Variants in PCDH7 observed in about 807,000 individuals in gnomAD.
PCDH7 encodes protocadherin-7.
Under a neutral mutation model 58.9 loss-of-function variants are expected in PCDH7, and 17 were observed. The ratio of observed to expected loss-of-function variants is 0.29; its 90% CI spans 0.20 to 0.43. The LOEUF (loss-of-function observed/expected upper bound fraction) is 0.43. PCDH7 is among the 20% of genes least tolerant of loss of function. The probability of loss-of-function intolerance (pLI) is 1.00; values close to 1 mark genes in which losing one functional copy is unlikely to be tolerated. For synonymous variants in PCDH7, 664 were observed against 616.4 expected (o/e 1.08, Z -1.14); for missense variants, 1,274 against 1,441.0 (o/e 0.88, Z 1.88).
chr4:31,005,254 A>G (rs1362823095), intron 3 of PCDH7, among the ~76,000 whole-genome samples: 1 of 152,168 alleles, frequency 6.6e-6, no homozygotes, highest in Non-Finnish European at 1.5e-5. Context: ...GAAGGTTGGG[A>G]AGCTGGAAGC....
Position 31,057,712 on chromosome 4 carries a change from A to G in PCDH7, c.*8-84761A>G, listed in dbSNP as rs143369896. Among the ~76,000 whole-genome samples, 409 of 152,262 alleles carry G rather than the reference A, an allele frequency of 2.7e-3. 3 individuals carry two copies. The highest frequency in any genetic ancestry group is 8.9e-3 in the African/African-American group (368 of 41,572). On this transcript the variant is annotated intron_variant, in intron 3 of 3. Coordinates refer to the PCDH7 transcript ENST00000509759. ...CTTAGTTTAGAAAAATTTATTGCTC[A>G]TTACTATACATCTCCATCACTACAA...
intron 2 of PCDH7, among the ~76,000 whole-genome samples, chr4:30,944,537 A>G (rs1746445601): frequency 6.6e-6 from 1 of 152,158 alleles, no homozygotes; most frequent in African/African-American, 2.4e-5. Context: ...TGACTAAATT[A>G]ACCTCTGGCA....
chr4:31,111,019 A>G (rs1434833490), intron 3 of PCDH7, among the ~76,000 whole-genome samples: 1 of 152,124 alleles, frequency 6.6e-6, no homozygotes, highest in Non-Finnish European at 1.5e-5. Flanking sequence ...AAGTTATTAA[A>G]TTTAACAGAA....
At chr4:30,938,458 G>A (rs1346019948) in intron 2 of PCDH7, among the ~76,000 whole-genome samples, 1 of 148,636 alleles carries the variant, frequency 6.7e-6, no homozygotes, top group African/African-American at 2.5e-5. Context: ...GGATGAACTG[G>A]CACTGCTCAC....
chr4:31,085,127 C>T (rs576641477), intron 3 of PCDH7, among the ~76,000 whole-genome samples: 232 of 152,040 alleles, frequency 1.5e-3, no homozygotes, highest in African/African-American at 5.5e-3. Context: ...TTAAGGATAA[C>T]TTGATGGGTA....
chr4:31,125,059 C>G (rs16884379), intron 3 of PCDH7, among the ~76,000 whole-genome samples: 4,455 of 152,118 alleles, frequency 0.029, 216 homozygotes, highest in African/African-American at 0.1. Flanking sequence ...AGACCTATCC[C>G]GTGAAGATAA....
At chr4:30,888,306 A>G (rs750973187) in intron 1 of PCDH7, among the ~76,000 whole-genome samples, 4 of 152,150 alleles carry the variant, frequency 2.6e-5, no homozygotes, top group African/African-American at 9.7e-5. Context: ...ACACACACAG[A>G]ATCTGATAAG....
intron 3 of PCDH7, among the ~76,000 whole-genome samples, chr4:31,019,403 C>T (rs951189742): frequency 6.6e-6 from 1 of 151,992 alleles, no homozygotes; most frequent in Non-Finnish European, 1.5e-5. Flanking sequence ...AATGATTAGC[C>T]TACAGAAATA....
intron 3 of PCDH7, among the ~76,000 whole-genome samples, chr4:31,004,733 G>T (rs1055701658): frequency 2.6e-5 from 4 of 152,060 alleles, no homozygotes; most frequent in African/African-American, 9.7e-5. Flanking sequence ...TTGAACATTT[G>T]CTACCATGCC....
At chr4:30,863,223 G>A (rs1734439809) in intron 1 of PCDH7, among the ~76,000 whole-genome samples, 1 of 152,068 alleles carries the variant, frequency 6.6e-6, no homozygotes, top group South Asian at 2.1e-4. Context: ...TTCCTGCCCA[G>A]AAAATGATGC....
intron 1 of PCDH7, among the ~76,000 whole-genome samples, chr4:30,831,688 T>A (rs2064468988): frequency 6.6e-6 from 1 of 152,058 alleles, no homozygotes; most frequent in African/African-American, 2.4e-5. Context: ...TGCATTAGAG[T>A]CAAATTTAGC....
intron 3 of PCDH7, among the ~76,000 whole-genome samples, chr4:31,108,839 C>T (rs757894135): frequency 6.6e-6 from 1 of 152,028 alleles, no homozygotes; most frequent in African/African-American, 2.4e-5. Flanking sequence ...GTGCAACAAA[C>T]TACCTGAAGA....
At chr4:30,961,666 T>C (rs1748449798) in intron 3 of PCDH7, among the ~76,000 whole-genome samples, 1 of 152,220 alleles carries the variant, frequency 6.6e-6, no homozygotes, top group Admixed American at 6.5e-5. Context: ...GACTTCTTGT[T>C]TTTATTATTT....
chr4:30,926,463 C>T (rs1028507937), intron 2 of PCDH7, among the ~76,000 whole-genome samples: 14 of 152,144 alleles, frequency 9.2e-5, no homozygotes, highest in Non-Finnish European at 1.5e-4. Flanking sequence ...GGATTACAGG[C>T]GTGAGCCACC....
chr4:30,935,807 C>T (rs1337703768), intron 2 of PCDH7, among the ~76,000 whole-genome samples: 1 of 152,054 alleles, frequency 6.6e-6, no homozygotes, highest in Non-Finnish European at 1.5e-5. Context: ...ATTTAAACTG[C>T]TAATTATGCC....
chr4:31,101,448 G>A (rs1354139292), intron 3 of PCDH7, among the ~76,000 whole-genome samples: 1 of 152,118 alleles, frequency 6.6e-6, no homozygotes, highest in African/African-American at 2.4e-5. Context: ...TTTGGAGGAC[G>A]TGTGTATGCA....
rs549931634 is a variant in PCDH7 at position 30,981,086 on chromosome 4, C to T, written c.*7+30871C>T. Among the ~76,000 whole-genome samples, 114 of 152,338 alleles carry T rather than the reference C, an allele frequency of 7.5e-4. 1 individual carries two copies. The highest frequency in any genetic ancestry group is 2.0e-3 in the Admixed American group (31 of 15,300). On this transcript the variant is annotated intron_variant, in intron 3 of 3. Coordinates refer to the PCDH7 transcript ENST00000509759. ...CTTGAACTCCTGACCTTGTGATCCA[C>T]CCGCCTTGGCCTCCCAAAGTGCTGG...
intron 1 of PCDH7, among the ~76,000 whole-genome samples, chr4:30,890,844 T>G (rs1018604408): frequency 6.6e-6 from 1 of 152,148 alleles, no homozygotes; most frequent in African/African-American, 2.4e-5. Context: ...TTTCTTGATA[T>G]CCAAGTGAAA....
chr4:30,874,085 A>G (rs1303712072), intron 1 of PCDH7, among the ~76,000 whole-genome samples: 2 of 152,042 alleles, frequency 1.3e-5, no homozygotes, highest in Non-Finnish European at 2.9e-5. Flanking sequence ...GAACACTTTT[A>G]CACTGTTGGT....
Sources: gnomAD v4.1 joint callset for allele counts (sites outside exome capture counted in the v4.1 genomes callset) on GRCh38, gnomAD v4.1.1 for gene constraint, MANE v1.5 for transcripts, NCBI Gene and HGNC (gene_info 2026-07-23, HGNC 2026-07-21) for gene names.